Variants in CACNA1S observed in about 807,000 individuals in gnomAD.
The protein encoded by CACNA1S is voltage-dependent L-type calcium channel subunit alpha-1S.
CACNA1S carries 126 observed loss-of-function variants against 207.4 expected under a neutral mutation model. That is an observed-to-expected ratio of 0.61 (90% confidence interval 0.53 to 0.70). CACNA1S has a LOEUF of 0.70. Ranked by LOEUF, CACNA1S falls within the 30% of genes least tolerant of loss-of-function variation. The pLI, the probability that CACNA1S is intolerant of heterozygous loss-of-function variation, is 0.00. For synonymous variants in CACNA1S, 960 were observed against 932.7 expected (o/e 1.03, Z -0.53); for missense variants, 2,349 against 2,422.8 (o/e 0.97, Z 0.64).
At position 201,067,240 on chromosome 1, in the gene CACNA1S, G is replaced by A. The variant is rs372150201; in HGVS notation, c.2551-247C>T. Among the ~76,000 whole-genome samples the A allele has an allele frequency of 1.5e-4, 23 of 152,316 alleles. 2 individuals carry two copies. Among genetic ancestry groups the A allele is most frequent in the African/African-American group, 5.3e-4 (22 of 41,566 alleles). ...GAAGTCTCTTTCTTTACATGCCATA[G>A]GGAACCCTGGGTCTCCTTTCCCATG... On this transcript the variant is annotated intron_variant, in intron 19 of 43. Transcript: ENST00000362061.
At position 201,066,328 on chromosome 1, in the gene CACNA1S, C is replaced by T; in HGVS notation, c.2658-12G>A. Reference sequence around the variant, plus strand: ...AGATGGCACTGGACCTGGGGGGCGGCAATGGTGAGGGGGCTGAGGGCAGCC... The same window carrying T: ...AGATGGCACTGGACCTGGGGGGCGGTAATGGTGAGGGGGCTGAGGGCAGCC... On this transcript the variant is annotated splice_polypyrimidine_tract_variant and intron_variant, in intron 20 of 43. Coordinates refer to ENST00000362061, the MANE Select transcript of CACNA1S (RefSeq NM_000069.3). This position sits in a 1 kb window ranked among gnomAD's most constrained non-coding sequence, Gnocchi z 4.3. 1 of 1,607,736 alleles carries T rather than the reference C, an allele frequency of 6.2e-7. No individual in the cohort carries two copies. Among genetic ancestry groups the T allele is most frequent in the Non-Finnish European group, 8.5e-7 (1 of 1,179,472 alleles).
chr1:201,066,750 C>T lies in CACNA1S; in HGVS notation c.2657+137G>A. On this transcript the variant is annotated intron_variant, in intron 20 of 43. Coordinates refer to ENST00000362061, the MANE Select transcript of CACNA1S (RefSeq NM_000069.3). This position sits in a 1 kb window ranked among gnomAD's most constrained non-coding sequence, Gnocchi z 4.3. ...CAGCTGGTGACAACCCACAGGACCC[C>T]CTGCCTCCATCGGAGGCCCCGAGAG... 1 of 710,314 alleles carries T rather than the reference C, an allele frequency of 1.4e-6. No homozygotes were observed. The allele number at this position is 710,314 out of a possible 1,614,324, so 44.0% of individuals were successfully genotyped here.
intron 15 of CACNA1S, among the ~76,000 whole-genome samples, chr1:201,073,116 G>A (rs1204866676): frequency 1.3e-5 from 2 of 152,144 alleles, no homozygotes; most frequent in Non-Finnish European, 2.9e-5. Context: ...GCTTCCCCAG[G>A]CCAGGACCTC....
At chr1:201,052,792 AGCC>A (rs1166946237) in intron 31 of CACNA1S, 144 bp from the exon 32 acceptor site, 59 of 707,442 alleles carry the variant, frequency 8.3e-5, no homozygotes, top group Admixed American at 6.3e-4. Context: ...TCAGACCTGA[AGCC>A]AAAAAAAACG....
chr1:201,068,230 T>C (rs868526662), intron 19 of CACNA1S, among the ~76,000 whole-genome samples: 247 of 111,380 alleles, frequency 2.2e-3, no homozygotes, highest in African/African-American at 8.5e-3. Flanking sequence ...CCGGCTCTGC[T>C]CTTTTTTTTT....
rs202132932 is a variant in CACNA1S at position 201,093,983 on chromosome 1, A to T, written c.297T>A (p.Ile99=). The part of the protein sequence containing the change: ...LEYFFLIVFS[I]EAAMKIIAYG... The stretch of plus-strand genomic sequence containing the variant: ...AGGCAATGATCTTCATGGCGGCTTC[A>T]ATCGAGAAGACAATGAGGAAGAAAT... Residue 99 remains isoleucine (I), a synonymous_variant, in exon 3 of 44, where the codon ATT becomes ATA. Coordinates refer to ENST00000362061, the MANE Select transcript of CACNA1S (RefSeq NM_000069.3). The T allele has an allele frequency of 1.4e-4, 224 of 1,614,252 alleles. No homozygotes were observed. In the East Asian group the frequency reaches 4.6e-3, roughly 33 times the overall value.
At chr1:201,057,606 G>T (rs894955649) in intron 28 of CACNA1S, among the ~76,000 whole-genome samples, 14 of 152,066 alleles carry the variant, frequency 9.2e-5, no homozygotes, top group African/African-American at 3.4e-4. Flanking sequence ...CTTCTAACTG[G>T]GTCTCTTAAT....
intron 6 of CACNA1S, among the ~76,000 whole-genome samples, chr1:201,088,959 A>G (rs1662126327): frequency 6.6e-6 from 1 of 152,250 alleles, no homozygotes. Flanking sequence ...ATTCTAAGCC[A>G]TCAGAATTGA....
intron 28 of CACNA1S, among the ~76,000 whole-genome samples, chr1:201,057,462 T>C (rs546363411): frequency 2.0e-5 from 3 of 152,378 alleles, no homozygotes; most frequent in Admixed American, 2.0e-4. Flanking sequence ...TTGTCATACC[T>C]GTCATATTAG....
Position 201,089,302 on chromosome 1 carries a change from A to G in CACNA1S, c.856T>C (p.Tyr286His), listed in dbSNP as rs1662143089. The G allele has an allele frequency of 6.2e-7, 1 of 1,614,166 alleles. No homozygotes were observed. The highest frequency in any genetic ancestry group is 1.7e-5 in the Admixed American group (1 of 60,014). ...CATCCCTCCATGGTAATGCACTGGT[A>G]CACGGTGAGCATGGAGAAGCCGAAG... is the stretch of plus-strand genomic sequence containing the variant. Reference protein sequence around the residue: ...DNFGFSMLTVYQCITMEGWTD... With the variant: ...DNFGFSMLTVHQCITMEGWTD... Residue 286 changes from tyrosine (Y) to histidine (H), a missense_variant, in exon 6 of 44, where the codon TAC (tyrosine) becomes CAC (histidine). By Grantham distance (83) the Tyr-to-His change is moderately conservative (BLOSUM62 2). Coordinates refer to ENST00000362061, the MANE Select transcript of CACNA1S (RefSeq NM_000069.3).
rs566562378 is a variant in CACNA1S, at chr1:201,070,315, T to C, written c.2317A>G (p.Ile773Val). 26 of 1,614,090 alleles carry C rather than the reference T, an allele frequency of 1.6e-5. No homozygotes were observed. The South Asian group carries it at 2.4e-4, about 15-fold the overall frequency. Residue 773 changes from isoleucine (I) to valine (V), a missense_variant, in exon 17 of 44, where the codon ATT becomes GTT. Ile to Val is a conservative substitution (Grantham distance 29, BLOSUM62 3). Transcript: ENST00000362061. ...ATGAAGAAGGAGCTGGCTTCTGGAA[T>C]GGGCACGGCCTTCTCTTTCAGCTGC... ...ELQLKEKAVP[I>V]PEASSFFIFS...
chr1:201,066,215 G>T lies in CACNA1S; in HGVS notation c.2745+14C>A, dbSNP rs74138824. The T allele has an allele frequency of 6.2e-7, 1 of 1,612,164 alleles. No individual in the cohort carries two copies. The highest frequency in any genetic ancestry group is 2.2e-5 in the East Asian group (1 of 44,866). ...CCATTCCTCTCTGGGGCTCCTGCCC[G>T]GGCCCTCTCTCACCTTCAACCCCTT... On this transcript the variant is annotated intron_variant, in intron 21 of 43. Coordinates refer to ENST00000362061, the MANE Select transcript of CACNA1S (RefSeq NM_000069.3). This position sits in a 1 kb window ranked among gnomAD's most constrained non-coding sequence, Gnocchi z 4.3.
At chr1:201,087,003 T>A (rs1333965669) in intron 7 of CACNA1S, among the ~76,000 whole-genome samples, 1 of 152,182 alleles carries the variant, frequency 6.6e-6, no homozygotes, top group African/African-American at 2.4e-5. Flanking sequence ...GAATTCTATC[T>A]ATAGACTGCC....
chr1:201,068,706 G>A (rs1661342924), intron 19 of CACNA1S, among the ~76,000 whole-genome samples: 1 of 151,616 alleles, frequency 6.6e-6, no homozygotes, highest in South Asian at 2.1e-4. Context: ...CCCTGTCTCT[G>A]TTAAAAATAC....
In CACNA1S at chr1:201,078,040, C is replaced by T. The variant is rs528563981; in HGVS notation, c.1458G>A (p.Leu486=). 1.4e-4 allele frequency: 222 copies of T among 1,614,226 alleles called. No individual in the cohort carries two copies. Among genetic ancestry groups the T allele is most frequent in the Middle Eastern group, 8.2e-4 (5 of 6,062 alleles). ...TTEMLMKMYG[L]GLRQYFMSIF... ...TAGACATGAAGTACTGGCGCAGGCC[C>T]AGCCCGTACATCTTCATCAGCATCT... The change falls in exon 11 of 44, where the codon CTG becomes CTA. Residue 486 remains leucine, a synonymous_variant. Transcript: ENST00000362061.
Position 201,075,698 on chromosome 1 carries a change from C to T in CACNA1S, c.1828-83G>A. The T allele has an allele frequency of 8.1e-6, 12 of 1,472,446 alleles. No individual in the cohort carries two copies. In the South Asian group the frequency reaches 1.3e-4, roughly 16 times the overall value. The allele number at this position is 1,472,446 out of a possible 1,614,324, so 91.2% of individuals were successfully genotyped here. ...TGGGACCGCATTGACCGAAGTTCTC[C>T]TCCAACTCTGTGGTTCTCTCAGACC... On this transcript the variant is annotated intron_variant, in intron 12 of 43. Coordinates refer to ENST00000362061, the MANE Select transcript of CACNA1S (RefSeq NM_000069.3).
At chr1:201,089,902 C>T (rs1421579922) in intron 5 of CACNA1S, among the ~76,000 whole-genome samples, 1 of 152,198 alleles carries the variant, frequency 6.6e-6, no homozygotes, top group Non-Finnish European at 1.5e-5. Context: ...CTGGGCTGAG[C>T]TTTACAAGAT....
chr1:201,102,894 G>T (rs2102180358), intron 2 of CACNA1S, among the ~76,000 whole-genome samples: 1 of 152,278 alleles, frequency 6.6e-6, no homozygotes, highest in African/African-American at 2.4e-5. Context: ...CCGAGGCTTG[G>T]GTTCAGTGTG....
intron 2 of CACNA1S, among the ~76,000 whole-genome samples, chr1:201,106,672 C>A (rs1213774909): frequency 6.6e-6 from 1 of 152,084 alleles, no homozygotes; most frequent in Non-Finnish European, 1.5e-5. Flanking sequence ...TGCAGATTGC[C>A]ACAAGCGCCT....
Sources: gnomAD v4.1 joint callset for allele counts (sites outside exome capture counted in the v4.1 genomes callset) on GRCh38, gnomAD v4.1.1 for gene constraint, Gnocchi (gnomAD v3.1) non-coding constraint, MANE v1.5 for transcripts, NCBI Gene and HGNC (gene_info 2026-07-23, HGNC 2026-07-21) for gene names.